The following NOTCH2NLR variants were observed in gnomAD, a reference collection of about 807,000 sequenced individuals.
The protein encoded by NOTCH2NLR is notch 2 N-terminal like R.
A neutral mutation model predicts 35.6 loss-of-function variants in NOTCH2NLR; 33 were observed. The ratio of observed to expected loss-of-function variants is 0.93; its 90% CI spans 0.70 to 1.24. The LOEUF (loss-of-function observed/expected upper bound fraction) is 1.24, where lower values mean the gene tolerates loss of function less well. Ranked by LOEUF, NOTCH2NLR falls within the 50% of genes most tolerant of loss-of-function variation. NOTCH2NLR has a pLI of 0.00. For synonymous variants in NOTCH2NLR, 103 were observed against 141.0 expected (o/e 0.73, Z 1.91); for missense variants, 276 against 362.2 (o/e 0.76, Z 1.93).
chr1:120,727,620 A>G, intron 1 of NOTCH2NLR, among the ~76,000 whole-genome samples: 1 of 100,890 alleles, frequency 9.9e-6, no homozygotes, highest in Non-Finnish European at 1.8e-5. Context: ...TACGTCTGCA[A>G]TGATTTTAGA....
chr1:120,752,519 AATATAT>A (rs1204399606), intron 1 of NOTCH2NLR, among the ~76,000 whole-genome samples: 1 of 14,662 alleles, frequency 6.8e-5, no homozygotes, highest in African/African-American at 4.6e-4. Context: ...GAAGTTCAGG[AATATAT>A]ATATATATAT....
intron 2 of NOTCH2NLR, among the ~76,000 whole-genome samples, chr1:120,769,589 C>T (rs1651237689): frequency 8.2e-6 from 1 of 121,978 alleles, no homozygotes; most frequent in Admixed American, 7.8e-5. Context: ...TTTTTTGGCT[C>T]ATTAAATACC....
intron 3 of NOTCH2NLR, among the ~76,000 whole-genome samples, chr1:120,791,737 A>G (rs1651495927): frequency 1.5e-5 from 1 of 65,070 alleles, no homozygotes; most frequent in Non-Finnish European, 2.6e-5. Flanking sequence ...CATGGCACAT[A>G]TATACATATG....
intron 1 of NOTCH2NLR, among the ~76,000 whole-genome samples, chr1:120,730,623 G>T: frequency 8.7e-6 from 1 of 115,120 alleles, no homozygotes; most frequent in Non-Finnish European, 1.7e-5. Flanking sequence ...TATTATCTGT[G>T]TGGCAGAACA....
rs1651392383 is a variant in NOTCH2NLR at position 120,783,783 on chromosome 1, A to G, written c.156-1191A>G. On this transcript the variant is annotated intron_variant, in intron 2 of 4. Transcript: ENST00000624419. ...TATGGGGAAGAAGGAGAAATCAGCA[A>G]TCCAGACTAAGACTTCACTGGGTTT... Among the ~76,000 whole-genome samples the G allele has an allele frequency of 1.7e-5, 2 of 115,328 alleles. 1 individual carries two copies. The highest frequency in any genetic ancestry group is 1.0e-4 in the African/African-American group (2 of 19,340). The allele number at this position is 115,328 out of a possible 152,430, so 75.7% of individuals were successfully genotyped here.
chr1:120,765,158 G>C (rs1237977011), intron 2 of NOTCH2NLR, among the ~76,000 whole-genome samples: 1 of 121,092 alleles, frequency 8.3e-6, no homozygotes. Flanking sequence ...AGTTTTTCTA[G>C]CTGGGGGAAA....
At chr1:120,751,096 GTGA>G (rs1253759463) in intron 1 of NOTCH2NLR, among the ~76,000 whole-genome samples, 2 of 82,622 alleles carry the variant, frequency 2.4e-5, no homozygotes, top group East Asian at 5.6e-4. Flanking sequence ...ATGTGATGAG[GTGA>G]TGATGGGAAG....
intron 2 of NOTCH2NLR, among the ~76,000 whole-genome samples, chr1:120,778,062 C>T (rs1171663252): frequency 1.1e-5 from 1 of 89,054 alleles, no homozygotes; most frequent in Non-Finnish European, 2.0e-5. Context: ...TGGCTGTTAG[C>T]AATTACTTTT....
rs1387329343 is a variant in NOTCH2NLR at position 120,793,528 on chromosome 1, G to A, written c.751+32G>A. 70 of 1,131,446 alleles carry A rather than the reference G, an allele frequency of 6.2e-5. 13 individuals carry two copies. The highest frequency in any genetic ancestry group is 5.8e-5 in the Non-Finnish European group (47 of 805,184). The allele number at this position is 1,131,446 out of a possible 1,614,324, so 70.1% of individuals were successfully genotyped here. On this transcript the variant is annotated intron_variant, in intron 4 of 4. Transcript: ENST00000624419. Reference sequence around the variant, plus strand: ...AGCTCCCTAGTGTCCCAGGATTAGGGGACAAACCCCTAGCACAGGAGGTAG... The same window carrying A: ...AGCTCCCTAGTGTCCCAGGATTAGGAGACAAACCCCTAGCACAGGAGGTAG...
In NOTCH2NLR at chr1:120,784,471, C is replaced by A. The variant is rs1201687602; in HGVS notation, c.156-503C>A. Reference sequence around the variant, plus strand: ...GCTGCTCTCTGTGTTATGGCCTTTGCATTTGCTGTTCCCTTTCTCATGAAT... The same window carrying A: ...GCTGCTCTCTGTGTTATGGCCTTTGAATTTGCTGTTCCCTTTCTCATGAAT... On this transcript the variant is annotated intron_variant, in intron 2 of 4. Coordinates refer to ENST00000624419, the Ensembl canonical transcript of NOTCH2NLR. Among the ~76,000 whole-genome samples the A allele has an allele frequency of 8.5e-5, 10 of 117,120 alleles. 1 individual carries two copies. Among genetic ancestry groups the A allele is most frequent in the Non-Finnish European group, 1.3e-4 (8 of 61,002 alleles). The allele number at this position is 117,120 out of a possible 152,430, so 76.8% of individuals were successfully genotyped here.
At chr1:120,760,338 G>C in intron 1 of NOTCH2NLR, among the ~76,000 whole-genome samples, 1 of 103,070 alleles carries the variant, frequency 9.7e-6, no homozygotes, top group Non-Finnish European at 1.8e-5. Context: ...CTGGCGTGCT[G>C]TAATTTTTGT....
chr1:120,764,013 C>T lies in NOTCH2NLR; in HGVS notation c.155+304C>T, dbSNP rs1297923071. On this transcript the variant is annotated intron_variant, in intron 2 of 4. Transcript: ENST00000624419. ...CTGGTAATCCCAGCACTTCAGGAGG[C>T]TGAGTTGGGCGAATCACGAGGTCAG... 1.0e-4 allele frequency among the ~76,000 whole-genome samples: 12 copies of T among 114,854 alleles called. 4 individuals are homozygous for T. The highest frequency in any genetic ancestry group is 1.7e-4 in the Admixed American group (2 of 11,882). 75.3% of individuals were successfully genotyped at this position (114,854 alleles called of 152,430 possible). A position where few individuals can be genotyped will look rare whatever the true frequency, so the allele number is the denominator to read the frequency against.
intron 2 of NOTCH2NLR, among the ~76,000 whole-genome samples, chr1:120,784,466 CT>C (rs1253957123): frequency 8.5e-6 from 1 of 117,134 alleles, no homozygotes; most frequent in Non-Finnish European, 1.6e-5. Flanking sequence ...GTGTTATGGC[CT>C]TTGCATTTGC....
intron 3 of NOTCH2NLR, among the ~76,000 whole-genome samples, chr1:120,790,269 C>T (rs1651470084): frequency 9.1e-6 from 1 of 109,470 alleles, no homozygotes; most frequent in Non-Finnish European, 1.7e-5. Context: ...CCGCCTCGGC[C>T]TCCCAAAGTG....
chr1:120,793,155 C>T lies in NOTCH2NLR; in HGVS notation c.416-6C>T, dbSNP rs1651511947. On this transcript the variant is annotated splice_polypyrimidine_tract_variant and splice_region_variant and intron_variant, in intron 3 of 4. Transcript: ENST00000624419. ...CCAGTACTGAGTTTTGTTATCCTTC[C>T]TTTAGGTAAGGAGTGCCAATGGACC... 7 of 1,240,896 alleles carry T rather than the reference C, an allele frequency of 5.6e-6. 1 individual carries two copies. Among genetic ancestry groups the T allele is most frequent in the Non-Finnish European group, 7.6e-6 (7 of 925,954 alleles). The allele number at this position is 1,240,896 out of a possible 1,614,324, so 76.9% of individuals were successfully genotyped here. A position where few individuals can be genotyped will look rare whatever the true frequency, so the allele number is the denominator to read the frequency against.
chr1:120,726,146 A>G (rs1295773521), intron 1 of NOTCH2NLR, among the ~76,000 whole-genome samples: 1 of 97,744 alleles, frequency 1.0e-5, no homozygotes, highest in Non-Finnish European at 1.9e-5. Context: ...GGCTTCTTTT[A>G]TTATAGGATC....
Position 120,758,166 on chromosome 1 carries a change from G to A in NOTCH2NLR, c.74-5462G>A, listed in dbSNP as rs1375030157. Among the ~76,000 whole-genome samples the A allele has an allele frequency of 1.6e-5, 2 of 124,524 alleles. 1 individual carries two copies. The highest frequency in any genetic ancestry group is 3.3e-5 in the Non-Finnish European group (2 of 61,322). 81.7% of individuals were successfully genotyped at this position (124,524 alleles called of 152,430 possible). ...AGAGGGCATAAACTGGGCAGAGAAT[G>A]CAGTGGAAGTGGTGGGGAGTAATAC... On this transcript the variant is annotated intron_variant, in intron 1 of 4. Transcript: ENST00000624419.
intron 2 of NOTCH2NLR, among the ~76,000 whole-genome samples, chr1:120,770,318 C>A (rs1242266725): frequency 9.3e-6 from 1 of 107,998 alleles, no homozygotes; most frequent in Admixed American, 9.0e-5. Flanking sequence ...TATAAGCGCC[C>A]GCCACCACGC....
Position 120,791,289 on chromosome 1 carries a change from A to G in NOTCH2NLR, c.416-1872A>G, listed in dbSNP as rs1487971209. ...AAATTCAAGGAGTTCTCGCCATCCCATTACTGGATATATACCCAAAGAATT... is the reference window on the plus strand; with the variant it reads ...AAATTCAAGGAGTTCTCGCCATCCCGTTACTGGATATATACCCAAAGAATT... On this transcript the variant is annotated intron_variant, in intron 3 of 4. Transcript: ENST00000624419. Among the ~76,000 whole-genome samples, 8 of 50,806 alleles carry G rather than the reference A, an allele frequency of 1.6e-4. 1 individual carries two copies. The highest frequency in any genetic ancestry group is 4.2e-4 in the South Asian group (1 of 2,394). 33.3% of individuals were successfully genotyped at this position (50,806 alleles called of 152,430 possible).
Sources: allele counts gnomAD v4.1 joint callset (sites outside exome capture counted in the v4.1 genomes callset), GRCh38; gene constraint gnomAD v4.1.1; transcripts MANE v1.5; gene names NCBI Gene and HGNC (gene_info 2026-07-23, HGNC 2026-07-21).